The following NOD1 variants were observed in gnomAD, a reference collection of about 807,000 sequenced individuals.
The protein encoded by NOD1 is nucleotide-binding oligomerization domain-containing protein 1.
A neutral mutation model predicts 81.2 loss-of-function variants in NOD1; 70 were observed. The ratio of observed to expected loss-of-function variants is 0.86; its 90% confidence interval spans 0.71 to 1.05. The LOEUF (loss-of-function observed/expected upper bound fraction) is 1.05. Among genes scored for constraint, NOD1 ranks in the 50% least tolerant of loss-of-function variants. The pLI is 0.00. For missense variants in NOD1, 1,233 were observed against 1,228.0 expected, an observed-to-expected ratio of 1.00 and a Z score of -0.06; for synonymous variants, 508 against 526.9, an observed-to-expected ratio of 0.96 and a Z score of 0.49.
At chr7:30,436,148 C>G (rs925781230) in intron 10 of NOD1, 67 bp from the exon 11 acceptor site, 4 of 1,293,870 alleles carry the variant, frequency 3.1e-6, no homozygotes, top group African/African-American at 2.9e-5. Flanking sequence ...GCTTCAACAT[C>G]AGAACAGCTG....
At chr7:30,466,152 G>A (rs1325803950) in intron 1 of NOD1, among the ~76,000 whole-genome samples, 1 of 152,180 alleles carries the variant, frequency 6.6e-6, no homozygotes, top group Non-Finnish European at 1.5e-5. Context: ...AGTTTTCAAA[G>A]ACTTTCCCAC....
chr7:30,433,790 G>T (rs1784152149), intron 11 of NOD1, among the ~76,000 whole-genome samples: 1 of 151,976 alleles, frequency 6.6e-6, no homozygotes, highest in Admixed American at 6.6e-5. Context: ...TTAGGAAGAA[G>T]AATAGAACAG....
At chr7:30,448,448 A>C in intron 6 of NOD1, 67 bp from the exon 7 acceptor site, 1 of 1,337,196 alleles carries the variant, frequency 7.5e-7, no homozygotes, top group Non-Finnish European at 1.1e-6. Context: ...CATTAATCTT[A>C]CAAAGATCCA....
chr7:30,445,278 T>TAAAAAAAAAAAAAAAAAAAAAAAA (rs55875433), intron 9 of NOD1, among the ~76,000 whole-genome samples: 2 of 69,176 alleles, frequency 2.9e-5, no homozygotes, highest in Non-Finnish European at 5.0e-5. Flanking sequence ...AAAAAGAATC[T>TAAAAAAAAAAAAAAAAAAAAAAAA]AAAAAAAAAA....
intron 13 of NOD1, 97 bp from the exon 14 acceptor site, chr7:30,425,807 C>T (rs1783398682): frequency 1.2e-6 from 1 of 814,664 alleles, no homozygotes; most frequent in African/African-American, 1.7e-5. Context: ...ACTCGTGTAT[C>T]ACACAATACA....
chr7:30,449,391 A>G (rs2284358), intron 6 of NOD1, among the ~76,000 whole-genome samples: 36,647 of 152,172 alleles, frequency 0.24, 4,874 homozygotes, highest in Admixed American at 0.31. Context: ...ATCTCATTAA[A>G]TTCTGCCCAT....
intron 9 of NOD1, among the ~76,000 whole-genome samples, chr7:30,438,064 TC>T (rs1784538837): frequency 6.6e-6 from 1 of 152,196 alleles, no homozygotes. Flanking sequence ...GTTCCCAGCA[TC>T]CGTTCAACTC....
At chr7:30,429,003 C>A (rs776056333) in intron 13 of NOD1, among the ~76,000 whole-genome samples, 17 of 152,210 alleles carry the variant, frequency 1.1e-4, no homozygotes, top group Non-Finnish European at 2.5e-4. Context: ...CTCCAAACTC[C>A]TGGCCAACAC....
intron 1 of NOD1, among the ~76,000 whole-genome samples, chr7:30,477,969 A>G (rs753956177): frequency 2.0e-5 from 3 of 152,172 alleles, no homozygotes; most frequent in Non-Finnish European, 2.9e-5. Context: ...GTCATTTCCT[A>G]TGTTTTTCAC....
Position 30,460,211 on chromosome 7 carries a change from G to T in NOD1, c.-351-170C>A, listed in dbSNP as rs76814914. ...AAGCAGAGAAACTGAACTCTGCCTTGGTAAACAGAATCTAAGGGTAGACCA... is the reference window on the plus strand; with the variant it reads ...AAGCAGAGAAACTGAACTCTGCCTTTGTAAACAGAATCTAAGGGTAGACCA... On this transcript the variant is annotated intron_variant, in intron 1 of 13. Transcript: ENST00000222823. 3.1e-3 allele frequency: 3,067 copies of T among 982,330 alleles called. 72 individuals carry two copies. In the African/African-American group the frequency reaches 0.05, roughly 16 times the overall value. 60.9% of individuals were successfully genotyped at this position (982,330 alleles called of 1,614,324 possible). A position where few individuals can be genotyped will look rare whatever the true frequency, so the allele number is the denominator to read the frequency against.
intron 9 of NOD1, among the ~76,000 whole-genome samples, chr7:30,445,125 G>C (rs1312940241): frequency 2.1e-4 from 14 of 67,106 alleles, no homozygotes; most frequent in South Asian, 1.3e-3. Context: ...GTCGGGGGAG[G>C]GGGGAGGGAT....
chr7:30,439,440 C>T lies in NOD1; in HGVS notation c.2454-1784G>A, dbSNP rs369011792. On this transcript the variant is annotated intron_variant, in intron 9 of 13. Transcript: ENST00000222823. ...GAAGCAGGGCGAGGCATTGCCTCAC[C>T]TGGGAAGCGCAAGGGATCAGGGAGT... Among the ~76,000 whole-genome samples the T allele has an allele frequency of 1.1e-3, 149 of 141,478 alleles. 5 individuals carry two copies. Among genetic ancestry groups the T allele is most frequent in the East Asian group, 6.5e-3 (32 of 4,902 alleles). 92.8% of individuals were successfully genotyped at this position (141,478 alleles called of 152,430 possible).
intron 10 of NOD1, among the ~76,000 whole-genome samples, chr7:30,436,861 A>G (rs958761862): frequency 2.0e-5 from 3 of 152,194 alleles, no homozygotes; most frequent in Non-Finnish European, 2.9e-5. Flanking sequence ...TGACCCAGCA[A>G]TCCCATTACT....
At position 30,436,093 on chromosome 7, in the gene NOD1, C is replaced by T. The variant is rs755274553; in HGVS notation, c.2538-12G>A. The T allele has an allele frequency of 6.2e-7, 1 of 1,606,034 alleles. No homozygotes were observed. The highest frequency in any genetic ancestry group is 1.7e-5 in the Admixed American group (1 of 60,020). ...CGTTGGACGCAAGACTAGGAAGGAA[C>T]ACACTTGGGGTGAATTATTAAAGAC... On this transcript the variant is annotated splice_polypyrimidine_tract_variant and intron_variant, in intron 10 of 13. Transcript: ENST00000222823.
Position 30,455,158 on chromosome 7 carries a change from C to A in NOD1, c.355G>T (p.Val119Phe). 6.2e-7 allele frequency: 1 copy of A among 1,614,014 alleles called. No homozygotes were observed. Among genetic ancestry groups the A allele is most frequent in the Non-Finnish European group, 8.5e-7 (1 of 1,180,026 alleles). Residue 119 changes from valine to phenylalanine, a missense_variant, in exon 5 of 14, where the codon GTC (valine) becomes TTC (phenylalanine). Physicochemically the swap from Val to Phe is conservative, Grantham distance 50 (BLOSUM62 -1). Transcript: ENST00000222823. Reference protein sequence around the residue: ...FSPSLLTQSKVVVNTDPVSRY... With the variant: ...FSPSLLTQSKFVVNTDPVSRY... ...CTACCTGGGTCAGTGTTGACCACGA[C>A]TTTGCTCTGAGTGAGCAGGGAAGGG...
At chr7:30,426,688 T>C (rs1783484918) in intron 13 of NOD1, among the ~76,000 whole-genome samples, 1 of 152,094 alleles carries the variant, frequency 6.6e-6, no homozygotes, top group South Asian at 2.1e-4. Context: ...CACAGATCTT[T>C]TATGGTCCAG....
At position 30,448,373 on chromosome 7, in the gene NOD1, A is replaced by T; in HGVS notation, c.2210T>A (p.Val737Glu). The change falls in exon 7 of 14, where the codon GTA becomes GAA. Residue 737 changes from valine (V) to glutamate (E), a missense_variant. Val to Glu is a moderately radical substitution (Grantham distance 121). Transcript: ENST00000222823. Reference protein sequence around the residue: ...FSRLTVLRLSVNQITDGGVKV... With the variant: ...FSRLTVLRLSENQITDGGVKV... ...TACCCCACCGTCAGTGATCTGGTTT[A>T]CGCTGAGTCTGAAATAAAACAGCAA... 6.2e-7 allele frequency: 1 copy of T among 1,614,062 alleles called. No individual in the cohort carries two copies. Among genetic ancestry groups the T allele is most frequent in the Non-Finnish European group, 8.5e-7 (1 of 1,179,898 alleles).
intron 1 of NOD1, among the ~76,000 whole-genome samples, chr7:30,465,946 T>A (rs906768047): frequency 6.6e-6 from 1 of 152,220 alleles, no homozygotes. Flanking sequence ...CCAGGTCATA[T>A]GGAACCTGGC....
In NOD1 at chr7:30,452,364, GCC is replaced by G; in HGVS notation, c.1051_1052del (p.Gly351LeufsTer58). On this transcript the variant is annotated frameshift_variant, in exon 6 of 14. Coordinates refer to ENST00000222823, the MANE Select transcript of NOD1 (RefSeq NM_006092.4). LOFTEE classifies it high-confidence loss of function. ...QFLRKKVLLR[G>X]FSPSHLRAYA... is the part of the protein sequence containing the mutation. ...AGGCGCGCAGGTGGCTGGGGGAGAA[GCC>G]CCGGAGAAGCACCTTCTTCCGCAGG... is the stretch of plus-strand genomic sequence containing the variant. 6.2e-7 allele frequency: 1 copy of G among 1,613,348 alleles called. No individual in the cohort carries two copies.
Sources: allele counts gnomAD v4.1 joint callset (sites outside exome capture counted in the v4.1 genomes callset), GRCh38; gene constraint gnomAD v4.1.1; transcripts MANE v1.5; gene names NCBI Gene and HGNC (gene_info 2026-07-23, HGNC 2026-07-21).